RUNX2: variants seen among roughly 807,000 people sequenced by gnomAD.
RUNX2 encodes runt-related transcription factor 2.
RUNX2 carries 10 observed loss-of-function variants against 51.7 expected under a neutral mutation model. That is an observed-to-expected ratio of 0.19 (90% CI 0.12 to 0.33). The LOEUF is 0.33. Among genes scored for constraint, RUNX2 ranks in the 10% least tolerant of loss-of-function variants. The pLI, the probability that RUNX2 is intolerant of heterozygous loss-of-function variation, is 1.00. For missense variants in RUNX2, 562 were observed against 691.3 expected (o/e 0.81, Z 2.10); for synonymous variants, 276 against 273.6 (o/e 1.01, Z -0.09).
intron 5 of RUNX2, among the ~76,000 whole-genome samples, chr6:45,446,483 C>G (rs1799001696): frequency 6.6e-6 from 1 of 151,564 alleles, no homozygotes; most frequent in Non-Finnish European, 1.5e-5. Context: ...GTTCCCCTCC[C>G]CCCCTTTTTT....
At chr6:45,528,381 G>A (rs1178314330) in intron 7 of RUNX2, among the ~76,000 whole-genome samples, 1 of 152,190 alleles carries the variant, frequency 6.6e-6, no homozygotes, top group African/African-American at 2.4e-5. Flanking sequence ...AGCACTTTGG[G>A]AGACCTAGGC....
intron 2 of RUNX2, among the ~76,000 whole-genome samples, chr6:45,417,055 A>C (rs977193848): frequency 2.0e-5 from 3 of 152,258 alleles, no homozygotes; most frequent in Non-Finnish European, 2.9e-5. Flanking sequence ...GACAGTATTT[A>C]ACGGTATAAA....
At chr6:45,341,971 A>G (rs1285908627) in intron 2 of RUNX2, among the ~76,000 whole-genome samples, 1 of 152,074 alleles carries the variant, frequency 6.6e-6, no homozygotes, top group Non-Finnish European at 1.5e-5. Flanking sequence ...CACAAATAAC[A>G]TGGTGATTTA....
intron 2 of RUNX2, among the ~76,000 whole-genome samples, chr6:45,381,224 G>A (rs1013385478): frequency 6.6e-6 from 1 of 152,190 alleles, no homozygotes; most frequent in African/African-American, 2.4e-5. Flanking sequence ...CAGCCCGGTA[G>A]TACCTGAGCA....
chr6:45,545,749 C>T (rs894142090), intron 8 of RUNX2, among the ~76,000 whole-genome samples: 6 of 152,138 alleles, frequency 3.9e-5, no homozygotes, highest in Non-Finnish European at 8.8e-5. Flanking sequence ...TCTGTCAATT[C>T]TAGAAAAATA....
intron 2 of RUNX2, among the ~76,000 whole-genome samples, chr6:45,390,156 T>C (rs149672894): frequency 6.6e-6 from 1 of 152,348 alleles, no homozygotes; most frequent in African/African-American, 2.4e-5. Context: ...CCAAGCAACC[T>C]TCAGATTCTT....
intron 5 of RUNX2, among the ~76,000 whole-genome samples, chr6:45,444,716 A>G (rs1180179297): frequency 1.3e-5 from 2 of 152,208 alleles, no homozygotes; most frequent in African/African-American, 4.8e-5. Flanking sequence ...TTTTTGAGGC[A>G]TGTCCAATTG....
chr6:45,466,715 A>G (rs923065337), intron 5 of RUNX2, among the ~76,000 whole-genome samples: 1 of 152,218 alleles, frequency 6.6e-6, no homozygotes, highest in Non-Finnish European at 1.5e-5. Flanking sequence ...TGGAGAGATA[A>G]ATCCTATTTC....
intron 2 of RUNX2, among the ~76,000 whole-genome samples, chr6:45,351,076 G>A (rs1437003819): frequency 6.6e-6 from 1 of 151,852 alleles, no homozygotes; most frequent in East Asian, 1.9e-4. Flanking sequence ...AAAACCATAC[G>A]CCCCATGTCC....
intron 4 of RUNX2, among the ~76,000 whole-genome samples, chr6:45,434,897 AACATTTG>A (rs1244178151): frequency 1.3e-5 from 2 of 152,308 alleles, no homozygotes; most frequent in African/African-American, 4.8e-5. Flanking sequence ...TGCCCACATA[AACATTTG>A]ACTTAAGAGG....
intron 2 of RUNX2, among the ~76,000 whole-genome samples, chr6:45,389,286 CA>C (rs1370042286): frequency 6.6e-6 from 1 of 152,154 alleles, no homozygotes; most frequent in Non-Finnish European, 1.5e-5. Flanking sequence ...ATAATCTTGC[CA>C]TTGCTCAAAT....
At chr6:45,475,661 C>G (rs1392259511) in intron 5 of RUNX2, among the ~76,000 whole-genome samples, 1 of 152,206 alleles carries the variant, frequency 6.6e-6, no homozygotes, top group Non-Finnish European at 1.5e-5. Flanking sequence ...ATCTCCCCTA[C>G]TAGAGCTGTA....
At chr6:45,488,688 A>T (rs1800358116) in intron 5 of RUNX2, among the ~76,000 whole-genome samples, 1 of 148,966 alleles carries the variant, frequency 6.7e-6, no homozygotes, top group Non-Finnish European at 1.5e-5. Context: ...GAATTTTCTT[A>T]TTCAGCAATG....
intron 2 of RUNX2, among the ~76,000 whole-genome samples, chr6:45,335,862 G>A (rs543065121): frequency 2.7e-4 from 41 of 151,156 alleles, no homozygotes; most frequent in African/African-American, 8.4e-4. Flanking sequence ...AAAGCATTTC[G>A]GTAATTCAGC....
intron 6 of RUNX2, among the ~76,000 whole-genome samples, chr6:45,509,290 C>G (rs1801071952): frequency 6.6e-6 from 1 of 152,050 alleles, no homozygotes; most frequent in South Asian, 2.1e-4. Flanking sequence ...TCTCATTTTC[C>G]AAAAATGAGA....
intron 7 of RUNX2, among the ~76,000 whole-genome samples, chr6:45,532,653 C>G (rs574236857): frequency 6.6e-6 from 1 of 152,146 alleles, no homozygotes; most frequent in Admixed American, 6.5e-5. Context: ...TCTTTTCACC[C>G]GAAAATTAAG....
At chr6:45,443,569 T>C (rs1798902120) in intron 5 of RUNX2, among the ~76,000 whole-genome samples, 1 of 152,214 alleles carries the variant, frequency 6.6e-6, no homozygotes, top group South Asian at 2.1e-4. Context: ...AATAATTCTT[T>C]TCAAGGTGCC....
At chr6:45,543,960 G>A (rs552888626) in intron 7 of RUNX2, among the ~76,000 whole-genome samples, 65 of 150,840 alleles carry the variant, frequency 4.3e-4, no homozygotes, top group African/African-American at 1.2e-3. Flanking sequence ...AAGGGATCTC[G>A]TATGGTACTA....
In RUNX2 at chr6:45,441,275, T is replaced by C. The variant is rs778043453; in HGVS notation, c.685+3224T>C. On this transcript the variant is annotated intron_variant, in intron 5 of 8. Transcript: ENST00000647337. ...AGATCTGAATATATATTGAAAAGCC[T>C]GCTTCTGGTAGCTCAGCTGTTTGAA... Among the ~76,000 whole-genome samples the C allele has an allele frequency of 3.3e-5, 5 of 152,230 alleles. No homozygotes were observed. The South Asian group carries it at 8.3e-4, about 25-fold the overall frequency.
Sources: gnomAD v4.1 joint callset for allele counts (sites outside exome capture counted in the v4.1 genomes callset) on GRCh38, gnomAD v4.1.1 for gene constraint, MANE v1.5 for transcripts, NCBI Gene and HGNC (gene_info 2026-07-23, HGNC 2026-07-21) for gene names.